Variants in ARHGAP42 observed in about 807,000 individuals in gnomAD.
ARHGAP42 encodes the protein Rho GTPase activating protein 42.
Under a neutral mutation model 125.0 loss-of-function variants are expected in ARHGAP42, and 63 were observed. The observed-to-expected ratio is 0.50, with a 90% CI of 0.41 to 0.62. The LOEUF is 0.62. ARHGAP42 is among the 20% of genes least tolerant of loss of function. The probability of loss-of-function intolerance (pLI) is 0.00; values close to 1 mark genes in which losing one functional copy is unlikely to be tolerated. For synonymous variants in ARHGAP42, 339 were observed against 351.0 expected (o/e 0.97, Z 0.38); for missense variants, 766 against 1,024.2 (o/e 0.75, Z 3.44).
chr11:100,701,359 G>A (rs1268648308), intron 1 of ARHGAP42, among the ~76,000 whole-genome samples: 1 of 152,166 alleles, frequency 6.6e-6, no homozygotes, highest in Non-Finnish European at 1.5e-5. Context: ...TAACAAGAGA[G>A]TCAGCCTGAA....
At chr11:100,907,489 T>G (rs1394958333) in intron 4 of ARHGAP42, among the ~76,000 whole-genome samples, 1 of 152,160 alleles carries the variant, frequency 6.6e-6, no homozygotes, top group African/African-American at 2.4e-5. Context: ...CATTTTGGGA[T>G]GTCTGGATTT....
intron 6 of ARHGAP42, among the ~76,000 whole-genome samples, chr11:100,929,709 A>G (rs1867523365): frequency 6.6e-6 from 1 of 152,228 alleles, no homozygotes; most frequent in South Asian, 2.1e-4. Flanking sequence ...TTTTCTTTCA[A>G]GAAATGCCTA....
chr11:100,836,400 C>G (rs1565234821), intron 3 of ARHGAP42, among the ~76,000 whole-genome samples: 1 of 152,000 alleles, frequency 6.6e-6, no homozygotes, highest in Non-Finnish European at 1.5e-5. Flanking sequence ...CATGAACAAT[C>G]AGCCCTTTTG....
chr11:100,847,171 A>C (rs1351733415), intron 3 of ARHGAP42, among the ~76,000 whole-genome samples: 1 of 152,202 alleles, frequency 6.6e-6, no homozygotes, highest in Non-Finnish European at 1.5e-5. Flanking sequence ...AACCCAAGGC[A>C]AAGGCCTCGA....
intron 2 of ARHGAP42, among the ~76,000 whole-genome samples, chr11:100,780,894 G>A (rs1284629559): frequency 5.3e-5 from 8 of 152,222 alleles, no homozygotes; most frequent in Admixed American, 1.3e-4. Context: ...AGTCAAGATA[G>A]ACTAGGCATT....
At chr11:100,834,715 A>G (rs906339760) in intron 3 of ARHGAP42, among the ~76,000 whole-genome samples, 2 of 152,072 alleles carry the variant, frequency 1.3e-5, no homozygotes, top group Non-Finnish European at 1.5e-5. Context: ...TGTAGCCAAA[A>G]AAAGAATAGA....
intron 2 of ARHGAP42, among the ~76,000 whole-genome samples, chr11:100,779,252 G>T (rs1863208216): frequency 6.6e-6 from 1 of 151,296 alleles, no homozygotes; most frequent in Admixed American, 6.6e-5. Context: ...TTCGAGACCA[G>T]CCTGACCAAC....
intron 17 of ARHGAP42, among the ~76,000 whole-genome samples, chr11:100,970,481 T>TGATA (rs1190327521): frequency 6.6e-6 from 1 of 152,128 alleles, no homozygotes; most frequent in Admixed American, 6.6e-5. Flanking sequence ...TGGTATCACA[T>TGATA]CCAGCTTGTT....
intron 8 of ARHGAP42, among the ~76,000 whole-genome samples, chr11:100,938,440 C>T (rs1304262234): frequency 1.3e-5 from 2 of 152,046 alleles, no homozygotes; most frequent in Non-Finnish European, 2.9e-5. Context: ...TGATATTTTT[C>T]CTCCCCCAAG....
rs1404563549 is a variant in ARHGAP42, at chr11:100,948,534, C to T, written c.1121C>T (p.Pro374Leu). The T allele has an allele frequency of 1.9e-6, 3 of 1,547,902 alleles. No individual in the cohort carries two copies. Among genetic ancestry groups the T allele is most frequent in the Admixed American group, 2.0e-5 (1 of 50,612 alleles). ...CTTGAAGCCATGGATGGGAAGGAAC[C>T]GGTAAGACTATGACACATTCTATAA... ...LWLEAMDGKE[P>L]IYTLPAIISK... The change falls in exon 11 of 24, where the codon CCG (proline) becomes CTG (leucine). Residue 374 changes from proline (P) to leucine (L), a missense_variant and splice_region_variant. Physicochemically the swap from Pro to Leu is moderately conservative, Grantham distance 98 (BLOSUM62 -3). Around this residue, in one of 3 missense-constraint regions of ARHGAP42, gnomAD observed 455 missense variants for 636.5 expected, o/e 0.71. Transcript: ENST00000298815.
At chr11:100,896,202 A>G (rs1466950407) in intron 4 of ARHGAP42, among the ~76,000 whole-genome samples, 1 of 151,968 alleles carries the variant, frequency 6.6e-6, no homozygotes, top group Non-Finnish European at 1.5e-5. Flanking sequence ...ATAGTATTCC[A>G]TGGTGTATGT....
At chr11:100,793,187 A>T (rs1863612631) in intron 2 of ARHGAP42, among the ~76,000 whole-genome samples, 1 of 152,156 alleles carries the variant, frequency 6.6e-6, no homozygotes, top group African/African-American at 2.4e-5. Flanking sequence ...ACTTCTTCAA[A>T]CTCACCAACC....
At position 100,936,306 on chromosome 11, in the gene ARHGAP42, A is replaced by G. The variant is rs1389410475; in HGVS notation, c.806A>G (p.Glu269Gly). Residue 269 changes from glutamate to glycine, a missense_variant, in exon 8 of 24, where the codon GAA becomes GGA. Transcript: ENST00000298815. The part of the protein sequence containing the change: ...DYRPPSQWTM[E>G]GYLYVQEKRP... ...AGACCACCCAGCCAGTGGACGATGG[A>G]AGGCTATCTGTATGTCCAGGAGAAA... 5 of 1,551,620 alleles carry G rather than the reference A, an allele frequency of 3.2e-6. No homozygotes were observed. In the Admixed American group the frequency reaches 5.9e-5, roughly 18 times the overall value.
intron 1 of ARHGAP42, among the ~76,000 whole-genome samples, chr11:100,764,277 GCCT>G (rs1862780243): frequency 6.6e-6 from 1 of 152,116 alleles, no homozygotes; most frequent in Non-Finnish European, 1.5e-5. Flanking sequence ...TCCTGCCTCA[GCCT>G]CCCAAAGCGT....
intron 2 of ARHGAP42, among the ~76,000 whole-genome samples, chr11:100,793,594 T>C (rs1863626993): frequency 6.6e-6 from 1 of 152,240 alleles, no homozygotes; most frequent in Admixed American, 6.5e-5. Flanking sequence ...GTTGGAATTT[T>C]TAATTCTTAA....
chr11:100,780,641 A>C (rs1238625478), intron 2 of ARHGAP42, among the ~76,000 whole-genome samples: 1 of 152,232 alleles, frequency 6.6e-6, no homozygotes, highest in Non-Finnish European at 1.5e-5. Flanking sequence ...TGGGGATTAG[A>C]GTCAGAAACC....
At chr11:100,927,815 G>A (rs1322009566) in intron 6 of ARHGAP42, among the ~76,000 whole-genome samples, 2 of 152,088 alleles carry the variant, frequency 1.3e-5, no homozygotes, top group Non-Finnish European at 2.9e-5. Context: ...GCATGGCCAC[G>A]GCTTTGTTTT....
chr11:100,921,865 A>G (rs1012167643), intron 6 of ARHGAP42, among the ~76,000 whole-genome samples: 6 of 151,488 alleles, frequency 4.0e-5, no homozygotes, highest in African/African-American at 1.5e-4. Flanking sequence ...ACTGAGCCCT[A>G]ATGTATACTA....
chr11:100,730,353 G>C (rs1023704168), intron 1 of ARHGAP42, among the ~76,000 whole-genome samples: 1 of 152,238 alleles, frequency 6.6e-6, no homozygotes, highest in East Asian at 1.9e-4. Context: ...TTTTGTATTT[G>C]ACCGCAGAGG....
Sources: allele counts gnomAD v4.1 joint callset (sites outside exome capture counted in the v4.1 genomes callset), GRCh38; gene constraint gnomAD v4.1.1; regional missense constraint gnomAD v4.1.1; transcripts MANE v1.5; gene names NCBI Gene and HGNC (gene_info 2026-07-23, HGNC 2026-07-21).